The following EP400 variants were observed in gnomAD, a reference collection of about 807,000 sequenced individuals.
EP400 encodes the protein E1A-binding protein p400.
Under a neutral mutation model 354.1 loss-of-function variants are expected in EP400, and 105 were observed. The ratio of observed to expected loss-of-function variants is 0.30; its 90% CI spans 0.25 to 0.35. The LOEUF is 0.35. Among genes scored for constraint, EP400 ranks in the 10% least tolerant of loss-of-function variants. The probability of loss-of-function intolerance (pLI) is 1.00; values close to 1 mark genes in which losing one functional copy is unlikely to be tolerated. For missense variants in EP400, 3,280 were observed against 4,121.0 expected (o/e 0.80, Z 5.59); for synonymous variants, 1,646 against 1,716.9 (o/e 0.96, Z 1.02).
intron 30 of EP400, 101 bp downstream of exon 30, chr12:132,032,250 G>C: frequency 1.5e-6 from 2 of 1,349,268 alleles, no homozygotes; most frequent in Non-Finnish European, 2.0e-6. Flanking sequence ...TCAATGAGAA[G>C]CTTTGCAGGA....
At chr12:132,065,754 A>G (rs1173251072) in intron 48 of EP400, 1 of 152,256 alleles carries the variant, frequency 6.6e-6, no homozygotes, top group Admixed American at 6.5e-5. Flanking sequence ...AAGTGGATAA[A>G]AAACTACAGA....
At chr12:132,046,359 A>G (rs980583440) in intron 39 of EP400, among the ~76,000 whole-genome samples, 1 of 152,212 alleles carries the variant, frequency 6.6e-6, no homozygotes, top group Non-Finnish European at 1.5e-5. Context: ...ATATATAGAT[A>G]GACATTTTCA....
intron 30 of EP400, among the ~76,000 whole-genome samples, chr12:132,035,016 AG>A (rs1017377007): frequency 6.6e-6 from 1 of 152,206 alleles, no homozygotes; most frequent in African/African-American, 2.4e-5. Context: ...TCTCAGTGCA[AG>A]TAAAGAGTTA....
At position 132,054,218 on chromosome 12, in the gene EP400, G is replaced by C. The variant is rs1369984380; in HGVS notation, c.7728+621G>C. Among the ~76,000 whole-genome samples, 1 of 152,188 alleles carries C rather than the reference G, an allele frequency of 6.6e-6. No individual in the cohort carries two copies. Among genetic ancestry groups the C allele is most frequent in the Non-Finnish European group, 1.5e-5 (1 of 68,040 alleles). ...CAGAGAATAGGAGCTGTGCCAAATT[G>C]GGGAAACCCACACTTTGGACTACCA... On this transcript the variant is annotated intron_variant, in intron 43 of 52. Transcript: ENST00000389561. This position sits in a 1 kb window ranked among gnomAD's most constrained non-coding sequence, Gnocchi z 4.0.
In EP400 at chr12:132,012,996, C is replaced by G; in HGVS notation, c.3442-13C>G. 6.3e-7 allele frequency: 1 copy of G among 1,596,860 alleles called. No individual in the cohort carries two copies. The highest frequency in any genetic ancestry group is 8.5e-7 in the Non-Finnish European group (1 of 1,170,364). On this transcript the variant is annotated splice_polypyrimidine_tract_variant and intron_variant, in intron 16 of 52. Transcript: ENST00000389561. ...GAGTGTGAAGGCACTGAGCTGTCCT[C>G]TCTGTGCTGCAGGAGTGGGCCGAAC...
At chr12:131,989,843 T>C in intron 7 of EP400, 121 bp from the exon 8 acceptor site, 1 of 1,099,476 alleles carries the variant, frequency 9.1e-7, no homozygotes, top group Admixed American at 2.8e-5. Context: ...CATACGAGGA[T>C]GTATATGACA....
At chr12:132,031,407 ATGTT>A (rs1894488179) in intron 29 of EP400, 1 of 518,592 alleles carries the variant, frequency 1.9e-6, no homozygotes, top group Non-Finnish European at 3.8e-6. Context: ...CTCATGGCTG[ATGTT>A]ATTTAAACTG....
In EP400 at chr12:132,017,639, C is replaced by A; in HGVS notation, c.4028C>A (p.Pro1343Gln). ...NHPGLVEPRHPGSSYVAGPLE... is the reference protein window; with the variant it reads ...NHPGLVEPRHQGSSYVAGPLE... ...CCTGGGCTCGTCGAGCCCCGGCACC[C>A]AGGCTCTTCCTACGTGGCGGGGCCA... is the stretch of plus-strand genomic sequence containing the variant. Residue 1343 changes from proline (P) to glutamine (Q), a missense_variant, in exon 20 of 53, where the codon CCA (proline) becomes CAA (glutamine). This residue lies in a region of EP400 where 342 missense variants were observed against 342.7 expected (regional missense o/e 1.00). Transcript: ENST00000389561. This position sits in a 1 kb window ranked among gnomAD's most constrained non-coding sequence, Gnocchi z 5.0. 6.2e-7 allele frequency: 1 copy of A among 1,607,248 alleles called. No individual in the cohort carries two copies. Among genetic ancestry groups the A allele is most frequent in the South Asian group, 1.1e-5 (1 of 90,574 alleles).
At chr12:132,016,012 C>T (rs1237505280) in intron 19 of EP400, among the ~76,000 whole-genome samples, 1 of 152,212 alleles carries the variant, frequency 6.6e-6, no homozygotes, top group East Asian at 1.9e-4. Flanking sequence ...TTGTGCCGGC[C>T]TCTCCTGGTT....
chr12:132,006,906 A>G (rs1893600596), intron 15 of EP400, 29 bp downstream of exon 15: 2 of 1,612,884 alleles, frequency 1.2e-6, no homozygotes, highest in Non-Finnish European at 1.7e-6. Flanking sequence ...TTTTAACAAT[A>G]CCTATTTGCT....
intron 11 of EP400, among the ~76,000 whole-genome samples, chr12:131,993,003 G>A (rs1893092413): frequency 6.6e-6 from 1 of 152,172 alleles, no homozygotes; most frequent in African/African-American, 2.4e-5. Context: ...CATGAAACTG[G>A]CAGTATTCAG....
At chr12:131,972,158 CTTTTTTT>C (rs549560277) in intron 2 of EP400, among the ~76,000 whole-genome samples, 5 of 110,272 alleles carry the variant, frequency 4.5e-5, no homozygotes, top group African/African-American at 1.8e-4. Flanking sequence ...TTTTCTTTTT[CTTTTTTT>C]TTTTTTAAAC....
chr12:132,064,758 G>A lies in EP400; in HGVS notation c.8425G>A (p.Ala2809Thr). 6.2e-7 allele frequency: 1 copy of A among 1,613,714 alleles called. No individual in the cohort carries two copies. Among genetic ancestry groups the A allele is most frequent in the South Asian group, 1.1e-5 (1 of 91,068 alleles). ...CCAGTCTGCGCCCCCGCAGCCAACA[G>A]CCCAAGTGCAAGTGCAGACCTCGCA... Reference protein sequence around the residue: ...QAQSAPPQPTAQVQVQTSQPP... With the variant: ...QAQSAPPQPTTQVQVQTSQPP... Residue 2809 changes from alanine (A) to threonine (T), a missense_variant, in exon 48 of 53, where the codon GCC becomes ACC. Around this residue, in one of 20 missense-constraint regions of EP400, gnomAD observed 86 missense variants for 66.4 expected, o/e 1.29. Transcript: ENST00000389561.
intron 1 of EP400, among the ~76,000 whole-genome samples, chr12:131,954,918 G>C (rs1282578748): frequency 1.3e-5 from 2 of 152,068 alleles, no homozygotes; most frequent in Admixed American, 1.3e-4. Flanking sequence ...AGCTACTCAG[G>C]AGGCTGAAGT....
At position 131,987,800 on chromosome 12, in the gene EP400, G is replaced by T; in HGVS notation, c.2319G>T (p.Lys773Asn). The T allele has an allele frequency of 6.2e-7, 1 of 1,613,490 alleles. No individual in the cohort carries two copies. Among genetic ancestry groups the T allele is most frequent in the South Asian group, 1.1e-5 (1 of 91,000 alleles). The change falls in exon 7 of 53, where the codon AAG (lysine) becomes AAT (asparagine). Residue 773 changes from lysine to asparagine, a missense_variant. Lys to Asn is a moderately conservative substitution (Grantham distance 94). Transcript: ENST00000389561. ...AGCTGCAGGAGGCCCCACGCCCCAAGTCCCACTGGGACTATCTGCTGGAGG... is the reference window on the plus strand; with the variant it reads ...AGCTGCAGGAGGCCCCACGCCCCAATTCCCACTGGGACTATCTGCTGGAGG... ...LPKLQEAPRP[K>N]SHWDYLLEEM...
Position 132,062,545 on chromosome 12 carries a change from A to AGCAGCAGCAGCAG in EP400, c.8178_8179insGCAGCAGCAGCAG (p.Gln2727AlafsTer260). ...TCAGGCAGCAGCAGCAGCAGCAGCA[A>AGCAGCAGCAGCAG]CAACAGCAGCAGCAGCAGCAGCAGC... is the stretch of plus-strand genomic sequence containing the variant. On this transcript the variant is annotated frameshift_variant, in exon 47 of 53. Coordinates refer to ENST00000389561, the MANE Select transcript of EP400 (RefSeq NM_015409.5). LOFTEE classifies it high-confidence loss of function. The AGCAGCAGCAGCAG allele has an allele frequency of 7.7e-7, 1 of 1,299,618 alleles. No individual in the cohort carries two copies. The highest frequency in any genetic ancestry group is 1.5e-5 in the South Asian group (1 of 64,686). The allele number at this position is 1,299,618 out of a possible 1,614,324, so 80.5% of individuals were successfully genotyped here. A position where few individuals can be genotyped will look rare whatever the true frequency, so the allele number is the denominator to read the frequency against.
chr12:132,039,571 C>T (rs1042930869), intron 32 of EP400, among the ~76,000 whole-genome samples: 4 of 152,204 alleles, frequency 2.6e-5, no homozygotes, highest in Admixed American at 6.5e-5. Context: ...TCCTGCCCTG[C>T]CCCCAACCCC....
chr12:132,018,848 G>A lies in EP400; in HGVS notation c.4277+472G>A, dbSNP rs1894028711. 6.6e-6 allele frequency among the ~76,000 whole-genome samples: 1 copy of A among 152,168 alleles called. No homozygotes were observed. The highest frequency in any genetic ancestry group is 2.4e-5 in the African/African-American group (1 of 41,428). ...TAGATGATTAAAACGAGATATAAATGACTCATAGTCTAAATCTAGCAATTG... is the reference window on the plus strand; with the variant it reads ...TAGATGATTAAAACGAGATATAAATAACTCATAGTCTAAATCTAGCAATTG... On this transcript the variant is annotated intron_variant, in intron 21 of 52. Coordinates refer to ENST00000389561, the MANE Select transcript of EP400 (RefSeq NM_015409.5). This position sits in a 1 kb window ranked among gnomAD's most constrained non-coding sequence, Gnocchi z 4.0.
chr12:132,042,498 C>T (rs1416964576), intron 32 of EP400, among the ~76,000 whole-genome samples: 1 of 152,150 alleles, frequency 6.6e-6, no homozygotes, highest in Non-Finnish European at 1.5e-5. Context: ...GCATCCTCCT[C>T]TATTTTCTTC....
Sources: allele counts gnomAD v4.1 joint callset (sites outside exome capture counted in the v4.1 genomes callset), GRCh38; gene constraint gnomAD v4.1.1; regional missense constraint gnomAD v4.1.1; non-coding constraint Gnocchi (gnomAD v3.1); transcripts MANE v1.5; gene names NCBI Gene and HGNC (gene_info 2026-07-23, HGNC 2026-07-21).